The following ARHGAP25 variants were observed in gnomAD, a reference collection of about 807,000 sequenced individuals.
ARHGAP25 encodes Rho GTPase activating protein 25.
Under a neutral mutation model 71.0 loss-of-function variants are expected in ARHGAP25, and 34 were observed. The ratio of observed to expected loss-of-function variants is 0.48; its 90% CI spans 0.36 to 0.64. The LOEUF (loss-of-function observed/expected upper bound fraction) is 0.64. ARHGAP25 is among the 30% of genes least tolerant of loss of function. ARHGAP25 has a pLI of 0.00. For synonymous variants in ARHGAP25, 282 were observed against 296.5 expected (o/e 0.95, Z 0.50); for missense variants, 706 against 805.1 (o/e 0.88, Z 1.49).
chr2:68,806,430 T>TG (rs1043428356), intron 4 of ARHGAP25, among the ~76,000 whole-genome samples: 4 of 152,136 alleles, frequency 2.6e-5, no homozygotes, highest in African/African-American at 9.7e-5. Flanking sequence ...TCTTTATCCT[T>TG]GGGGGGATAC....
intron 1 of ARHGAP25, among the ~76,000 whole-genome samples, chr2:68,753,868 A>G (rs1676324118): frequency 6.6e-6 from 1 of 152,074 alleles, no homozygotes; most frequent in African/African-American, 2.4e-5. Flanking sequence ...TGAGCAAATG[A>G]AAACAATGTT....
chr2:68,748,068 C>T (rs1675940804), intron 1 of ARHGAP25, among the ~76,000 whole-genome samples: 1 of 152,166 alleles, frequency 6.6e-6, no homozygotes, highest in Non-Finnish European at 1.5e-5. Context: ...GGATTAAATT[C>T]AAACTCATGA....
In ARHGAP25 at chr2:68,767,764, A is replaced by G. The variant is rs1196617764; in HGVS notation, c.62-7457A>G. The stretch of plus-strand genomic sequence containing the variant: ...GCCTCAGTGGTGGGCTTGAGGTTTC[A>G]GTACCATTTCTCTGTCACTGTGTTT... On this transcript the variant is annotated intron_variant, in intron 1 of 10. Coordinates refer to ENST00000409202, the MANE Select transcript of ARHGAP25 (RefSeq NM_001007231.3). This position sits in a 1 kb window ranked among gnomAD's most constrained non-coding sequence, Gnocchi z 4.6. Among the ~76,000 whole-genome samples, 1 of 152,182 alleles carries G rather than the reference A, an allele frequency of 6.6e-6. No individual in the cohort carries two copies. The highest frequency in any genetic ancestry group is 1.5e-5 in the Non-Finnish European group (1 of 68,028).
intron 4 of ARHGAP25, 33 bp downstream of exon 4, chr2:68,787,989 G>T: frequency 6.5e-7 from 1 of 1,548,702 alleles, no homozygotes; most frequent in East Asian, 2.2e-5. Context: ...CTGGGCAGGT[G>T]CCTATGACAT....
At chr2:68,810,128 T>TAA (rs11332513) in intron 5 of ARHGAP25, among the ~76,000 whole-genome samples, 50 of 129,122 alleles carry the variant, frequency 3.9e-4, no homozygotes, top group African/African-American at 1.3e-3. Context: ...AGCCCTTGAT[T>TAA]AAAAAAAAAA....
chr2:68,716,389 C>T (rs557594783), intron 2 of ARHGAP25, among the ~76,000 whole-genome samples: 16 of 152,296 alleles, frequency 1.1e-4, no homozygotes, highest in African/African-American at 2.4e-4. Context: ...TTGGAACATA[C>T]GCTAATGCTA....
chr2:68,761,665 A>G (rs1676829216), intron 1 of ARHGAP25, among the ~76,000 whole-genome samples: 1 of 152,196 alleles, frequency 6.6e-6, no homozygotes, highest in Non-Finnish European at 1.5e-5. Context: ...AGGGAAATGC[A>G]ACACGAACTA....
chr2:68,770,757 C>G (rs1305492556), intron 1 of ARHGAP25, among the ~76,000 whole-genome samples: 1 of 152,188 alleles, frequency 6.6e-6, no homozygotes, highest in Non-Finnish European at 1.5e-5. Context: ...CATGGGCCTC[C>G]CTTGCTCAGG....
intron 4 of ARHGAP25, among the ~76,000 whole-genome samples, chr2:68,799,760 G>A (rs1173151536): frequency 3.3e-5 from 5 of 152,222 alleles, no homozygotes; most frequent in African/African-American, 9.6e-5. Context: ...AGAAGGGCCG[G>A]GAGGGCTGGG....
chr2:68,763,635 A>T (rs919020715), intron 1 of ARHGAP25, among the ~76,000 whole-genome samples: 8 of 152,238 alleles, frequency 5.3e-5, no homozygotes, highest in Admixed American at 1.3e-4. Context: ...ACCATTTACT[A>T]GTTTTTTAAA....
chr2:68,778,822 C>T (rs1678112182), intron 2 of ARHGAP25, among the ~76,000 whole-genome samples: 2 of 152,118 alleles, frequency 1.3e-5, no homozygotes, highest in Non-Finnish European at 2.9e-5. Flanking sequence ...AATTATGGAG[C>T]CGTGTATGAT....
intron 3 of ARHGAP25, among the ~76,000 whole-genome samples, chr2:68,784,893 A>G (rs539543750): frequency 9.9e-5 from 15 of 152,178 alleles, no homozygotes; most frequent in Non-Finnish European, 2.1e-4. Flanking sequence ...GTGCTGGCTG[A>G]GGTGGTTGAT....
upstream of ARHGAP25, among the ~76,000 whole-genome samples, chr2:68,733,441 G>A (rs1675078777): frequency 6.6e-6 from 1 of 152,176 alleles, no homozygotes; most frequent in South Asian, 2.1e-4. Flanking sequence ...GTTCAGAAAT[G>A]AAGGAGAGAA....
At chr2:68,725,343 G>A (rs1349815866) in intron 2 of ARHGAP25, among the ~76,000 whole-genome samples, 1 of 151,894 alleles carries the variant, frequency 6.6e-6, no homozygotes, top group East Asian at 1.9e-4. Flanking sequence ...AATAATTATT[G>A]AAACAGAGTC....
intron 2 of ARHGAP25, among the ~76,000 whole-genome samples, chr2:68,717,836 A>G (rs185895238): frequency 6.6e-6 from 1 of 152,146 alleles, no homozygotes; most frequent in Non-Finnish European, 1.5e-5. Context: ...GAATTGACAT[A>G]TTTTTGCCAA....
intron 4 of ARHGAP25, among the ~76,000 whole-genome samples, chr2:68,799,662 T>C (rs530892155): frequency 6.6e-6 from 1 of 152,330 alleles, no homozygotes; most frequent in East Asian, 1.9e-4. Context: ...CTTATTTTTA[T>C]TGCGGTCCTT....
chr2:68,763,449 G>A (rs929487627), intron 1 of ARHGAP25, among the ~76,000 whole-genome samples: 3 of 152,178 alleles, frequency 2.0e-5, no homozygotes, highest in Non-Finnish European at 4.4e-5. Context: ...CAGCAATACA[G>A]AGCGTTCCTT....
chr2:68,778,953 C>T (rs1212779110), intron 2 of ARHGAP25, among the ~76,000 whole-genome samples: 2 of 152,134 alleles, frequency 1.3e-5, no homozygotes, highest in East Asian at 3.8e-4. Context: ...CTGTGTAAGT[C>T]CATGAACTAG....
At chr2:68,768,280 T>C (rs1022798256) in intron 1 of ARHGAP25, among the ~76,000 whole-genome samples, 9 of 152,228 alleles carry the variant, frequency 5.9e-5, no homozygotes, top group African/African-American at 2.2e-4. Flanking sequence ...TAACTTGATA[T>C]TCATTATTGT....
Sources: allele counts gnomAD v4.1 joint callset (sites outside exome capture counted in the v4.1 genomes callset), GRCh38; gene constraint gnomAD v4.1.1; non-coding constraint Gnocchi (gnomAD v3.1); transcripts MANE v1.5; gene names NCBI Gene and HGNC (gene_info 2026-07-23, HGNC 2026-07-21).